The following GAS2 variants were observed in gnomAD, a reference collection of about 807,000 sequenced individuals.
The protein encoded by GAS2 is growth arrest-specific protein 2.
A neutral mutation model predicts 37.5 loss-of-function variants in GAS2; 20 were observed. The observed-to-expected ratio is 0.53, with a 90% confidence interval of 0.37 to 0.77. The LOEUF is 0.77. Among genes scored for constraint, GAS2 ranks in the 30% least tolerant of loss-of-function variants. GAS2 has a pLI of 0.00. For missense variants in GAS2, 336 were observed against 373.4 expected (o/e 0.90, Z 0.82); for synonymous variants, 144 against 132.2 (o/e 1.09, Z -0.61).
At chr11:22,730,259 CTT>C (rs1416585032) in intron 4 of GAS2, among the ~76,000 whole-genome samples, 3 of 151,716 alleles carry the variant, frequency 2.0e-5, no homozygotes, top group Non-Finnish European at 4.4e-5. Context: ...TATTAACAAA[CTT>C]AAGATAGTGA....
intron 7 of GAS2, among the ~76,000 whole-genome samples, chr11:22,805,856 C>T (rs560877556): frequency 1.8e-4 from 27 of 152,172 alleles, no homozygotes; most frequent in African/African-American, 6.3e-4. Context: ...AGGGTAACTT[C>T]CTGATGTTGC....
chr11:22,694,194 T>A (rs577929016), intron 3 of GAS2, among the ~76,000 whole-genome samples: 1 of 152,250 alleles, frequency 6.6e-6, no homozygotes, highest in South Asian at 2.1e-4. Context: ...ATTTAGGGAA[T>A]TGACTTTCAA....
chr11:22,712,904 C>A (rs983208632), intron 3 of GAS2, among the ~76,000 whole-genome samples: 1 of 151,366 alleles, frequency 6.6e-6, no homozygotes, highest in African/African-American at 2.4e-5. Flanking sequence ...TGATGAAAAC[C>A]CATATCTACT....
chr11:22,770,611 A>G (rs1854929885), intron 7 of GAS2, among the ~76,000 whole-genome samples: 1 of 152,164 alleles, frequency 6.6e-6, no homozygotes, highest in Non-Finnish European at 1.5e-5. Flanking sequence ...CCTTACAGGT[A>G]TTTTTTATTC....
rs542043596 is a variant in GAS2, at chr11:22,735,244, T to C, written c.410-2461T>C. The stretch of plus-strand genomic sequence containing the variant: ...TCATTCTTTTTTTTTTTTTTTTTTT[T>C]GGTCCATTAGTGGCCAGGCTTGGTA... On this transcript the variant is annotated intron_variant, in intron 4 of 7. Transcript: ENST00000454584. Among the ~76,000 whole-genome samples the C allele has an allele frequency of 6.6e-3, 982 of 148,650 alleles. 18 individuals are homozygous for C. The highest frequency in any genetic ancestry group is 0.023 in the African/African-American group (933 of 39,876).
At chr11:22,665,449 A>G (rs1252120450), upstream of GAS2, among the ~76,000 whole-genome samples, 1 of 152,208 alleles carries the variant, frequency 6.6e-6, no homozygotes, top group African/African-American at 2.4e-5. Flanking sequence ...TTCGTTTACT[A>G]AAACTCATCA....
chr11:22,798,664 G>T (rs1377718383), intron 7 of GAS2, among the ~76,000 whole-genome samples: 1 of 151,992 alleles, frequency 6.6e-6, no homozygotes, highest in Admixed American at 6.6e-5. Flanking sequence ...ATTTGTAATC[G>T]CACGTAACTA....
chr11:22,804,868 T>G (rs1030772667), intron 7 of GAS2, among the ~76,000 whole-genome samples: 6 of 152,122 alleles, frequency 3.9e-5, no homozygotes, highest in Admixed American at 3.3e-4. Flanking sequence ...AAAGGATCAC[T>G]TAATTGCAAT....
chr11:22,752,016 G>A (rs975866156), intron 6 of GAS2, among the ~76,000 whole-genome samples: 1 of 151,914 alleles, frequency 6.6e-6, no homozygotes, highest in Non-Finnish European at 1.5e-5. Flanking sequence ...TCAAATGTAG[G>A]AAATATACAA....
chr11:22,626,621 T>C (rs570678069), intron 1 of GAS2: 54 of 152,294 alleles, frequency 3.5e-4, no homozygotes, highest in African/African-American at 1.2e-3. Flanking sequence ...TTAACAAACA[T>C]TTGTCAACTC....
intron 2 of GAS2, among the ~76,000 whole-genome samples, chr11:22,683,259 G>T (rs543481166): frequency 6.6e-6 from 1 of 151,146 alleles, no homozygotes; most frequent in African/African-American, 2.5e-5. Context: ...TGTTCCAGTC[G>T]GATTTTATTT....
intron 7 of GAS2, among the ~76,000 whole-genome samples, chr11:22,809,107 A>G (rs1688256063): frequency 6.6e-6 from 1 of 152,148 alleles, no homozygotes; most frequent in Non-Finnish European, 1.5e-5. Flanking sequence ...GTGTCTACAT[A>G]TGTAAAACAA....
chr11:22,787,386 G>A (rs1401748917), intron 7 of GAS2, among the ~76,000 whole-genome samples: 1 of 152,018 alleles, frequency 6.6e-6, no homozygotes, highest in African/African-American at 2.4e-5. Flanking sequence ...CTATTATTCA[G>A]TATTTATTAT....
upstream of GAS2, among the ~76,000 whole-genome samples, chr11:22,665,573 A>G (rs374876661): frequency 2.0e-5 from 3 of 152,264 alleles, no homozygotes; most frequent in East Asian, 3.9e-4. Flanking sequence ...CCCTTCTTTT[A>G]GAAAGCTAAG....
rs145983727 is a variant in GAS2 at position 22,692,396 on chromosome 11, C to T, written c.267+6607C>T. On this transcript the variant is annotated intron_variant, in intron 3 of 7. Transcript: ENST00000454584. ...TCAGGCAGTCCTGATGACATGTGCC[C>T]AAGGTGGTAGGGGCACAGCTTAGTT... Among the ~76,000 whole-genome samples, 198 of 152,206 alleles carry T rather than the reference C, an allele frequency of 1.3e-3. 2 individuals are homozygous for T. The highest frequency in any genetic ancestry group is 4.2e-3 in the African/African-American group (174 of 41,536).
At chr11:22,677,206 G>C (rs905966482) in intron 2 of GAS2, among the ~76,000 whole-genome samples, 1 of 152,124 alleles carries the variant, frequency 6.6e-6, no homozygotes. Flanking sequence ...AAGGATCAGA[G>C]GGCTTGGGAA....
chr11:22,672,497 A>C (rs1849243917), intron 1 of GAS2: 1 of 152,154 alleles, frequency 6.6e-6, no homozygotes, highest in South Asian at 2.1e-4. Context: ...CTGGACAATG[A>C]GCTTAAGAAT....
chr11:22,651,035 A>G (rs1191516457), intron 1 of GAS2, among the ~76,000 whole-genome samples: 2 of 152,284 alleles, frequency 1.3e-5, no homozygotes, highest in African/African-American at 2.4e-5. Flanking sequence ...ACATTTTGGC[A>G]TGATTTTGCA....
Position 22,695,163 on chromosome 11 carries a change from T to TA in GAS2, c.267+9382dup, listed in dbSNP as rs547188793. 6.3e-3 allele frequency among the ~76,000 whole-genome samples: 954 copies of TA among 151,492 alleles called. 6 individuals carry two copies. The highest frequency in any genetic ancestry group is 0.027 in the Middle Eastern group (8 of 294). On this transcript the variant is annotated intron_variant, in intron 3 of 7. Transcript: ENST00000454584. ...GGTAAAACGCTGTCTCTACCAAAAATAAAAAAAATTAGCTGGGTGTGGTGG... is the reference window on the plus strand; with the variant it reads ...GGTAAAACGCTGTCTCTACCAAAAATAAAAAAAAATTAGCTGGGTGTGGTGG...
Sources: gnomAD v4.1 joint callset for allele counts (sites outside exome capture counted in the v4.1 genomes callset) on GRCh38, gnomAD v4.1.1 for gene constraint, MANE v1.5 for transcripts, NCBI Gene and HGNC (gene_info 2026-07-23, HGNC 2026-07-21) for gene names.